The following SLC17A4 variants were observed in gnomAD, a reference collection of about 807,000 sequenced individuals.
SLC17A4 encodes solute carrier family 17 member 4.
SLC17A4 carries 33 observed loss-of-function variants against 52.5 expected under a neutral mutation model. The observed-to-expected ratio is 0.63, with a 90% CI of 0.48 to 0.84. The LOEUF (loss-of-function observed/expected upper bound fraction) is 0.84, where lower values mean the gene tolerates loss of function less well. Ranked by LOEUF, SLC17A4 falls within the 40% of genes least tolerant of loss-of-function variation. SLC17A4 has a pLI of 0.00. For missense variants in SLC17A4, 585 were observed against 597.1 expected (o/e 0.98, Z 0.21); for synonymous variants, 225 against 216.2 (o/e 1.04, Z -0.36).
intron 2 of SLC17A4, among the ~76,000 whole-genome samples, chr6:25,763,990 G>A (rs1761779995): frequency 6.6e-6 from 1 of 152,046 alleles, no homozygotes; most frequent in African/African-American, 2.4e-5. Context: ...GGAAGCAAAA[G>A]TCAGGTTGGT....
At chr6:25,770,323 T>C in intron 4 of SLC17A4, 23 bp downstream of exon 4, 1 of 1,613,826 alleles carries the variant, frequency 6.2e-7, no homozygotes, top group Non-Finnish European at 8.5e-7. Context: ...TTTCCAGGTA[T>C]AAGTGGAATA....
intron 1 of SLC17A4, among the ~76,000 whole-genome samples, chr6:25,757,058 T>C (rs1761081938): frequency 6.6e-6 from 1 of 152,222 alleles, no homozygotes; most frequent in Admixed American, 6.5e-5. Flanking sequence ...CATTTGCCAA[T>C]GAGTATTTGT....
chr6:25,778,046 T>TCATGAATATTC, intron 11 of SLC17A4, 30 bp downstream of exon 11: 1 of 1,573,386 alleles, frequency 6.4e-7, no homozygotes, highest in Non-Finnish European at 8.7e-7. Flanking sequence ...TGAATATTCA[T>TCATGAATATTC]AAAAGAAACC....
chr6:25,761,920 A>G lies in SLC17A4; in HGVS notation c.-36-7A>G, dbSNP rs1453006171. ...CTGTATTTTCTTTTGTATTCTTTTTATTTCAGTAAGTAAATGCCAGTCCCT... is the reference window on the plus strand; with the variant it reads ...CTGTATTTTCTTTTGTATTCTTTTTGTTTCAGTAAGTAAATGCCAGTCCCT... On this transcript the variant is annotated splice_region_variant and splice_polypyrimidine_tract_variant and intron_variant, in intron 1 of 11. Coordinates refer to ENST00000377905, the MANE Select transcript of SLC17A4 (RefSeq NM_005495.3). 7 of 1,500,630 alleles carry G rather than the reference A, an allele frequency of 4.7e-6. No individual in the cohort carries two copies. Among genetic ancestry groups the G allele is most frequent in the Non-Finnish European group, 6.5e-6 (7 of 1,083,934 alleles). 93.0% of individuals were successfully genotyped at this position (1,500,630 alleles called of 1,614,324 possible). A position where few individuals can be genotyped will look rare whatever the true frequency, so the allele number is the denominator to read the frequency against.
rs373135124 is a variant in SLC17A4 at position 25,779,199 on chromosome 6, A to G, written c.*11A>G. The G allele has an allele frequency of 2.4e-5, 38 of 1,613,032 alleles. No homozygotes were observed. The Admixed American group carries it at 6.3e-4, about 27-fold the overall frequency. On this transcript the variant is annotated 3_prime_UTR_variant, in exon 12 of 12. Coordinates refer to ENST00000377905, the MANE Select transcript of SLC17A4 (RefSeq NM_005495.3). ...TTCACCCACCTCTGAGCAAACCGAG[A>G]GATGTGCTAGATCCTGGTGCTTAGT...
intron 6 of SLC17A4, among the ~76,000 whole-genome samples, chr6:25,772,290 T>A (rs1046745499): frequency 1.3e-5 from 2 of 152,190 alleles, no homozygotes; most frequent in Non-Finnish European, 2.9e-5. Flanking sequence ...AATATTAACA[T>A]CCTCCAACCC....
chr6:25,773,944 T>C lies in SLC17A4; in HGVS notation c.987+270T>C, dbSNP rs115954637. ...ATACTATTTTCATATATACTATTCA[T>C]ATTTATCATATTTTAAGGGCCCTGT... is the stretch of plus-strand genomic sequence containing the variant. On this transcript the variant is annotated intron_variant, in intron 8 of 11. Transcript: ENST00000377905. 9.8e-3 allele frequency among the ~76,000 whole-genome samples: 1,489 copies of C among 152,284 alleles called. 30 individuals carry two copies. Among genetic ancestry groups the C allele is most frequent in the African/African-American group, 0.031 (1,309 of 41,556 alleles).
chr6:25,779,976 C>CT lies in SLC17A4; in HGVS notation c.*789dup, dbSNP rs1330445742. The CT allele has an allele frequency of 6.6e-6, 1 of 152,208 alleles. No homozygotes were observed. Among genetic ancestry groups the CT allele is most frequent in the African/African-American group, 2.4e-5 (1 of 41,446 alleles). 9.4% of individuals were successfully genotyped at this position (152,208 alleles called of 1,614,324 possible). The stretch of plus-strand genomic sequence containing the variant: ...ATGATATCTGCCTTCGTTTGCCCCT[C>CT]TGACTGTTGGAATCCCACGCACCAT... On this transcript the variant is annotated 3_prime_UTR_variant, in exon 12 of 12. Transcript: ENST00000377905.
intron 1 of SLC17A4, among the ~76,000 whole-genome samples, chr6:25,760,023 G>A (rs975440077): frequency 1.3e-5 from 2 of 152,168 alleles, no homozygotes; most frequent in Admixed American, 6.5e-5. Flanking sequence ...GGTACACACC[G>A]TGAAGCAGCA....
intron 2 of SLC17A4, among the ~76,000 whole-genome samples, chr6:25,762,621 T>C (rs888536904): frequency 2.6e-5 from 4 of 152,216 alleles, no homozygotes; most frequent in Non-Finnish European, 5.9e-5. Context: ...CATAAGATAA[T>C]GACTTCAAAA....
intron 8 of SLC17A4, among the ~76,000 whole-genome samples, chr6:25,774,075 T>G (rs1325747123): frequency 1.3e-5 from 2 of 152,168 alleles, no homozygotes; most frequent in Non-Finnish European, 2.9e-5. Flanking sequence ...GAGAAAATTG[T>G]GACAGAGAAA....
At chr6:25,773,998 A>G (rs1762697879) in intron 8 of SLC17A4, among the ~76,000 whole-genome samples, 1 of 152,160 alleles carries the variant, frequency 6.6e-6, no homozygotes, top group South Asian at 2.1e-4. Context: ...ATCCCATCAA[A>G]ATTTGCAAAC....
chr6:25,777,587 A>G, intron 10 of SLC17A4: 1 of 195,000 alleles, frequency 5.1e-6, no homozygotes, highest in East Asian at 1.2e-4. Context: ...AACAACAACA[A>G]CAACAACAAC....
intron 8 of SLC17A4, among the ~76,000 whole-genome samples, chr6:25,773,935 T>C (rs1009328820): frequency 8.5e-5 from 13 of 152,180 alleles, no homozygotes; most frequent in Admixed American, 3.9e-4. Context: ...TTTTCATATA[T>C]ACTATTCATA....
chr6:25,760,356 C>T (rs995888856), intron 1 of SLC17A4, among the ~76,000 whole-genome samples: 2 of 151,988 alleles, frequency 1.3e-5, no homozygotes, highest in Non-Finnish European at 2.9e-5. Context: ...TTAATTTCTC[C>T]CCTTCTGTAA....
Position 25,779,906 on chromosome 6 carries a change from C to T in SLC17A4, c.*718C>T, listed in dbSNP as rs900085046. On this transcript the variant is annotated 3_prime_UTR_variant, in exon 12 of 12. Coordinates refer to ENST00000377905, the MANE Select transcript of SLC17A4 (RefSeq NM_005495.3). ...GACATTGCCCAGTGTCTCTTCTAGC[C>T]CCTCCAACAGTTCTTCATGTAGCAC... 6.6e-6 allele frequency: 1 copy of T among 152,194 alleles called. No homozygotes were observed. The highest frequency in any genetic ancestry group is 2.4e-5 in the African/African-American group (1 of 41,432). 9.4% of individuals were successfully genotyped at this position (152,194 alleles called of 1,614,324 possible).
chr6:25,761,834 T>C, intron 1 of SLC17A4, 93 bp from the exon 2 acceptor site: 1 of 683,566 alleles, frequency 1.5e-6, no homozygotes, highest in Non-Finnish European at 2.4e-6. Context: ...ACTTTTCTTA[T>C]ACAGCAACAT....
chr6:25,773,730 G>C, intron 8 of SLC17A4, 56 bp downstream of exon 8: 1 of 1,562,864 alleles, frequency 6.4e-7, no homozygotes, highest in Non-Finnish European at 8.7e-7. Flanking sequence ...AATAATGAGA[G>C]CTCATATATA....
At chr6:25,770,329 G>A (rs1464706511) in intron 4 of SLC17A4, 29 bp downstream of exon 4, 1 of 1,613,646 alleles carries the variant, frequency 6.2e-7, no homozygotes. Context: ...GGTATAAGTG[G>A]AATATAGGTT....
Sources: allele counts gnomAD v4.1 joint callset (sites outside exome capture counted in the v4.1 genomes callset), GRCh38; gene constraint gnomAD v4.1.1; transcripts MANE v1.5; gene names NCBI Gene and HGNC (gene_info 2026-07-23, HGNC 2026-07-21).